FAM13A: variants seen among roughly 807,000 people sequenced by gnomAD.
The protein encoded by FAM13A is family with sequence similarity 13 member A, also known as protein FAM13A.
In FAM13A, 76 loss-of-function variants were observed where a neutral mutation model predicts 129.6. That is an observed-to-expected ratio of 0.59 (90% confidence interval 0.49 to 0.71). The LOEUF (loss-of-function observed/expected upper bound fraction) is 0.71, where lower values mean the gene tolerates loss of function less well. Among genes scored for constraint, FAM13A ranks in the 30% least tolerant of loss-of-function variants. The pLI is 0.00. For missense variants in FAM13A, 1,108 were observed against 1,249.3 expected, an observed-to-expected ratio of 0.89 and a Z score of 1.70; for synonymous variants, 443 against 449.9, an observed-to-expected ratio of 0.98 and a Z score of 0.20.
chr4:88,926,782 G>A (rs1752252064), intron 5 of FAM13A, among the ~76,000 whole-genome samples: 1 of 152,110 alleles, frequency 6.6e-6, no homozygotes, highest in African/African-American at 2.4e-5. Context: ...ATTACTTAAT[G>A]CTTTACACTT....
chr4:88,739,780 CTG>C (rs1739822802), intron 19 of FAM13A, among the ~76,000 whole-genome samples: 1 of 76,656 alleles, frequency 1.3e-5, no homozygotes, highest in African/African-American at 8.8e-5. Context: ...GAGAAAGACT[CTG>C]TCTCAAAAAA....
intron 5 of FAM13A, among the ~76,000 whole-genome samples, chr4:88,919,119 G>C (rs1750589731): frequency 6.6e-6 from 1 of 152,150 alleles, no homozygotes; most frequent in Admixed American, 6.5e-5. Flanking sequence ...CACTACATTT[G>C]TTTAACTAAA....
At chr4:88,763,273 A>ATTCG (rs1188354412) in intron 13 of FAM13A, among the ~76,000 whole-genome samples, 51 of 105,834 alleles carry the variant, frequency 4.8e-4, no homozygotes, top group African/African-American at 1.5e-3. Context: ...TCCCTTTCCC[A>ATTCG]TTCGTTCATT....
At chr4:88,892,972 T>A (rs945147145) in intron 6 of FAM13A, among the ~76,000 whole-genome samples, 13 of 152,178 alleles carry the variant, frequency 8.5e-5, no homozygotes, top group African/African-American at 3.1e-4. Context: ...AAAGGTACTT[T>A]GAATACATAC....
chr4:88,736,007 C>CTA (rs1252937421), intron 21 of FAM13A, among the ~76,000 whole-genome samples: 1 of 152,056 alleles, frequency 6.6e-6, no homozygotes, highest in Non-Finnish European at 1.5e-5. Flanking sequence ...AGTAACGGTT[C>CTA]TATTGCATGC....
At chr4:88,840,292 A>G (rs72872133) in intron 7 of FAM13A, among the ~76,000 whole-genome samples, 10,671 of 152,274 alleles carry the variant, frequency 0.07, 533 homozygotes, top group African/African-American at 0.14. Context: ...TGGTGTGTGG[A>G]TTGAAGAATG....
chr4:89,049,305 T>C (rs543314345), intron 1 of FAM13A, among the ~76,000 whole-genome samples: 1 of 152,250 alleles, frequency 6.6e-6, no homozygotes, highest in African/African-American at 2.4e-5. Context: ...TTAATGACCT[T>C]AATGCAGTAG....
rs559634435 is a variant in FAM13A, at chr4:88,983,236, G to A, written c.605+7737C>T. On this transcript the variant is annotated intron_variant, in intron 4 of 23. Transcript: ENST00000264344. ...GATAACCCAACCTATTATATCAAGT[G>A]GTAAAATAATAGTGAAAATGAGGAG... Among the ~76,000 whole-genome samples, 3 of 151,884 alleles carry A rather than the reference G, an allele frequency of 2.0e-5. No individual in the cohort carries two copies. The South Asian group carries it at 6.3e-4, about 32-fold the overall frequency.
intron 7 of FAM13A, among the ~76,000 whole-genome samples, chr4:88,809,183 T>C (rs1336484460): frequency 6.6e-6 from 1 of 152,110 alleles, no homozygotes; most frequent in Admixed American, 6.6e-5. Context: ...GTTGTATATG[T>C]CTAAGAAAAA....
intron 4 of FAM13A, among the ~76,000 whole-genome samples, chr4:88,966,682 A>G (rs932333278): frequency 6.6e-6 from 1 of 152,184 alleles, no homozygotes; most frequent in Non-Finnish European, 1.5e-5. Context: ...AGAATAGTCC[A>G]TAGAATAGTT....
intron 4 of FAM13A, among the ~76,000 whole-genome samples, chr4:88,977,198 G>A (rs894090540): frequency 6.6e-6 from 1 of 152,118 alleles, no homozygotes; most frequent in Non-Finnish European, 1.5e-5. Context: ...GACTACTCTT[G>A]CATTTGGGGT....
At chr4:88,991,271 G>T (rs1021223259) in intron 3 of FAM13A, 121 bp from the exon 4 acceptor site, 6 of 670,506 alleles carry the variant, frequency 8.9e-6, no homozygotes, top group African/African-American at 7.2e-5. Flanking sequence ...GACTGAGATA[G>T]GCCTTGTGTA....
intron 8 of FAM13A, among the ~76,000 whole-genome samples, chr4:88,795,235 A>T (rs956461101): frequency 2.5e-4 from 38 of 151,942 alleles, no homozygotes; most frequent in East Asian, 1.9e-4. Flanking sequence ...ACATGGATAT[A>T]ACTCAAAAAG....
chr4:88,913,356 AAGAAG>A (rs1445960647), intron 5 of FAM13A, among the ~76,000 whole-genome samples: 2 of 146,852 alleles, frequency 1.4e-5, no homozygotes, highest in African/African-American at 2.5e-5. Flanking sequence ...GAAGAGGAGG[AAGAAG>A]AGAAGAGGAA....
chr4:88,836,686 C>T (rs778589092), intron 7 of FAM13A, among the ~76,000 whole-genome samples: 11 of 152,274 alleles, frequency 7.2e-5, no homozygotes, highest in African/African-American at 1.7e-4. Context: ...GGTCCAGGTG[C>T]GGTGGCTCAT....
chr4:88,817,329 G>A (rs1262143431), intron 7 of FAM13A, among the ~76,000 whole-genome samples: 1 of 152,152 alleles, frequency 6.6e-6, no homozygotes, highest in Non-Finnish European at 1.5e-5. Context: ...TTGGGAGGCT[G>A]AGGCGGGTAG....
intron 6 of FAM13A, among the ~76,000 whole-genome samples, chr4:88,895,998 T>G (rs1434933130): frequency 6.8e-6 from 1 of 147,462 alleles, no homozygotes; most frequent in Admixed American, 6.8e-5. Flanking sequence ...CTATTCACAA[T>G]AGCAAAGACT....
rs1391688882 is a variant in FAM13A, at chr4:89,025,524, A to G, written c.217+3936T>C. ...CATGATCCACCCGCCTCGGCCTCCC[A>G]AAGTGCTGGGATTACAGGCGTGAGC... On this transcript the variant is annotated intron_variant, in intron 2 of 23. Coordinates refer to ENST00000264344, the MANE Select transcript of FAM13A (RefSeq NM_014883.4). 2.6e-5 allele frequency among the ~76,000 whole-genome samples: 4 copies of G among 151,680 alleles called. No homozygotes were observed. The South Asian group carries it at 8.4e-4, about 32-fold the overall frequency.
At chr4:88,826,210 C>G (rs1486259121) in intron 7 of FAM13A, among the ~76,000 whole-genome samples, 1 of 152,014 alleles carries the variant, frequency 6.6e-6, no homozygotes, top group African/African-American at 2.4e-5. Context: ...ACTTCTCCCT[C>G]TCCCATTCCT....
Sources: allele counts gnomAD v4.1 joint callset (sites outside exome capture counted in the v4.1 genomes callset), GRCh38; gene constraint gnomAD v4.1.1; transcripts MANE v1.5; gene names NCBI Gene and HGNC (gene_info 2026-07-23, HGNC 2026-07-21).